The following ITGA9 variants were observed in gnomAD, a reference collection of about 807,000 sequenced individuals.
ITGA9 encodes the protein integrin subunit alpha 9, also known as integrin alpha-9.
ITGA9 carries 56 observed loss-of-function variants against 127.8 expected under a neutral mutation model. The ratio of observed to expected loss-of-function variants is 0.44; its 90% CI spans 0.35 to 0.55. The LOEUF (loss-of-function observed/expected upper bound fraction) is 0.55, where lower values mean the gene tolerates loss of function less well. Ranked by LOEUF, ITGA9 falls within the 20% of genes least tolerant of loss-of-function variation. The pLI is 0.00. For synonymous variants in ITGA9, 508 were observed against 514.5 expected, an observed-to-expected ratio of 0.99 and a Z score of 0.17; for missense variants, 1,196 against 1,347.1, an observed-to-expected ratio of 0.89 and a Z score of 1.76.
chr3:37,647,762 A>G (rs961950790), intron 16 of ITGA9, among the ~76,000 whole-genome samples: 5 of 152,166 alleles, frequency 3.3e-5, no homozygotes, highest in East Asian at 1.9e-4. Context: ...TTCACTTAGC[A>G]TAATGTCCTC....
At position 37,533,310 on chromosome 3, in the gene ITGA9, G is replaced by A; in HGVS notation, c.1374-4G>A. On this transcript the variant is annotated splice_polypyrimidine_tract_variant and splice_region_variant and intron_variant, in intron 13 of 27. Transcript: ENST00000264741. ...CTAAGTCACCTTCCTCTCTTGCCCTGCAGAGCAAGGCCTGTCATTACGGTG... is the reference window on the plus strand; with the variant it reads ...CTAAGTCACCTTCCTCTCTTGCCCTACAGAGCAAGGCCTGTCATTACGGTG... 1 of 1,614,088 alleles carries A rather than the reference G, an allele frequency of 6.2e-7. No homozygotes were observed. Among genetic ancestry groups the A allele is most frequent in the South Asian group, 1.1e-5 (1 of 91,084 alleles).
chr3:37,694,627 A>C (rs752448562), intron 18 of ITGA9, among the ~76,000 whole-genome samples: 12 of 152,240 alleles, frequency 7.9e-5, no homozygotes, highest in Non-Finnish European at 1.3e-4. Context: ...TCAATTAAGA[A>C]GGACGTTTCC....
At chr3:37,765,246 C>T (rs1423710483) in intron 23 of ITGA9, among the ~76,000 whole-genome samples, 2 of 152,040 alleles carry the variant, frequency 1.3e-5, no homozygotes, top group African/African-American at 2.4e-5. Flanking sequence ...GAACAAATTC[C>T]TTTAACCCAT....
intron 17 of ITGA9, among the ~76,000 whole-genome samples, chr3:37,656,334 GT>G (rs1700477650): frequency 1.3e-5 from 2 of 152,146 alleles, no homozygotes; most frequent in African/African-American, 4.8e-5. Context: ...AGCACAGACT[GT>G]TTTTTCATTT....
In ITGA9 at chr3:37,508,647, T is replaced by C; in HGVS notation, c.897+20T>C. The C allele has an allele frequency of 6.3e-7, 1 of 1,597,816 alleles. No individual in the cohort carries two copies. The highest frequency in any genetic ancestry group is 8.6e-7 in the Non-Finnish European group (1 of 1,165,208). On this transcript the variant is annotated intron_variant, in intron 8 of 27. Transcript: ENST00000264741. ...AAAAAGGTGAGGTTCTTGGTATAAGTGACTATTTTTTATTTGAGAGATGTG... is the reference window on the plus strand; with the variant it reads ...AAAAAGGTGAGGTTCTTGGTATAAGCGACTATTTTTTATTTGAGAGATGTG...
At chr3:37,570,847 A>G (rs1699593056) in intron 15 of ITGA9, among the ~76,000 whole-genome samples, 1 of 152,254 alleles carries the variant, frequency 6.6e-6, no homozygotes, top group Admixed American at 6.5e-5. Flanking sequence ...AGAGGCATGC[A>G]GAAATAAAAA....
At chr3:37,810,541 G>A (rs1390241275) in intron 27 of ITGA9, among the ~76,000 whole-genome samples, 1 of 152,054 alleles carries the variant, frequency 6.6e-6, no homozygotes, top group Non-Finnish European at 1.5e-5. Context: ...TCAGCCTCCT[G>A]TGTAGCTAGG....
intron 15 of ITGA9, among the ~76,000 whole-genome samples, chr3:37,551,757 C>T (rs971067925): frequency 6.6e-6 from 1 of 152,200 alleles, no homozygotes; most frequent in African/African-American, 2.4e-5. Context: ...AGAGCTGCCT[C>T]GCCAGACCTC....
At chr3:37,723,048 T>C (rs1701207883) in intron 18 of ITGA9, among the ~76,000 whole-genome samples, 2 of 152,226 alleles carry the variant, frequency 1.3e-5, no homozygotes. Context: ...TGGTTTTGAT[T>C]TAGATTTCCC....
chr3:37,653,867 G>C, intron 17 of ITGA9, 77 bp downstream of exon 17: 1 of 1,033,294 alleles, frequency 9.7e-7, no homozygotes, highest in Non-Finnish European at 1.5e-6. Context: ...TGAATGTGCA[G>C]ATTTCCCCAC....
At chr3:37,467,705 G>C (rs1312892118) in intron 1 of ITGA9, among the ~76,000 whole-genome samples, 1 of 152,192 alleles carries the variant, frequency 6.6e-6, no homozygotes, top group Non-Finnish European at 1.5e-5. Flanking sequence ...TCACTGTGCT[G>C]ATGTAAATTT....
intron 19 of ITGA9, among the ~76,000 whole-genome samples, chr3:37,734,610 C>T (rs766050097): frequency 7.2e-5 from 11 of 152,208 alleles, no homozygotes; most frequent in Non-Finnish European, 1.6e-4. Flanking sequence ...CTGCCTCAGC[C>T]TCCCTGGTAG....
chr3:37,766,222 C>T (rs1327701649), intron 23 of ITGA9, among the ~76,000 whole-genome samples: 4 of 152,262 alleles, frequency 2.6e-5, no homozygotes, highest in African/African-American at 7.2e-5. Flanking sequence ...GCTTTTCTGA[C>T]ATACACCCCA....
intron 13 of ITGA9, among the ~76,000 whole-genome samples, chr3:37,531,890 G>T (rs9831058): frequency 0.04 from 6,147 of 152,264 alleles, 397 homozygotes; most frequent in African/African-American, 0.14. Context: ...AGAGGTGTGT[G>T]TACAGAGCTG....
intron 15 of ITGA9, among the ~76,000 whole-genome samples, chr3:37,581,028 G>A (rs1457762469): frequency 6.6e-6 from 1 of 152,206 alleles, no homozygotes. Flanking sequence ...AACCCAGCGA[G>A]AGGGATGAAG....
intron 8 of ITGA9, among the ~76,000 whole-genome samples, chr3:37,513,433 T>TA (rs1332882414): frequency 1.3e-5 from 2 of 152,142 alleles, no homozygotes; most frequent in Non-Finnish European, 2.9e-5. Context: ...TCTTTTTTTT[T>TA]ATGTTTTTAT....
chr3:37,689,488 T>C (rs1700811231), intron 18 of ITGA9, among the ~76,000 whole-genome samples: 1 of 152,218 alleles, frequency 6.6e-6, no homozygotes, highest in African/African-American at 2.4e-5. Flanking sequence ...GCAGGCCCAG[T>C]GCACCGTGTT....
intron 27 of ITGA9, among the ~76,000 whole-genome samples, chr3:37,815,851 G>T (rs1218578218): frequency 6.6e-6 from 1 of 152,182 alleles, no homozygotes; most frequent in Non-Finnish European, 1.5e-5. Context: ...CAGTGGGGCA[G>T]TTTGAGCTCA....
At chr3:37,517,729 C>T (rs1040259371) in intron 10 of ITGA9, 120 bp downstream of exon 10, 5 of 761,836 alleles carry the variant, frequency 6.6e-6, no homozygotes, top group South Asian at 1.5e-5. Context: ...TCTACTGATC[C>T]CCTTCGAAGG....
Sources: gnomAD v4.1 joint callset for allele counts (sites outside exome capture counted in the v4.1 genomes callset) on GRCh38, gnomAD v4.1.1 for gene constraint, MANE v1.5 for transcripts, NCBI Gene and HGNC (gene_info 2026-07-23, HGNC 2026-07-21) for gene names.